PTPRN2: variants seen among roughly 807,000 people sequenced by gnomAD.
PTPRN2 encodes receptor-type tyrosine-protein phosphatase N2.
In PTPRN2, 74 loss-of-function variants were observed where a neutral mutation model predicts 118.8. The observed-to-expected ratio is 0.62, with a 90% CI of 0.52 to 0.76. PTPRN2 has a LOEUF of 0.76. Ranked by LOEUF, PTPRN2 falls within the 30% of genes least tolerant of loss-of-function variation. PTPRN2 has a pLI of 0.00. For synonymous variants in PTPRN2, 641 were observed against 608.0 expected, an observed-to-expected ratio of 1.05 and a Z score of -0.80; for missense variants, 1,481 against 1,394.4, an observed-to-expected ratio of 1.06 and a Z score of -0.99.
intron 3 of PTPRN2, among the ~76,000 whole-genome samples, chr7:158,267,312 G>T: frequency 7.1e-6 from 1 of 141,618 alleles, no homozygotes; most frequent in South Asian, 2.2e-4. Flanking sequence ...TGGTTCCCGC[G>T]GGGAACCCCG....
chr7:157,890,642 AAAC>A (rs1479990384), intron 12 of PTPRN2, among the ~76,000 whole-genome samples: 2 of 152,188 alleles, frequency 1.3e-5, no homozygotes, highest in Admixed American at 6.5e-5. Context: ...ACTGTGTCTC[AAAC>A]AACAACAACA....
intron 12 of PTPRN2, among the ~76,000 whole-genome samples, chr7:157,802,734 C>T (rs78460323): frequency 0.027 from 4,108 of 152,312 alleles, 214 homozygotes; most frequent in African/African-American, 0.093. Flanking sequence ...CTCACCAACA[C>T]ACGTCTTTTT....
intron 1 of PTPRN2, among the ~76,000 whole-genome samples, chr7:158,535,081 C>T (rs1215830355): frequency 6.6e-6 from 1 of 152,196 alleles, no homozygotes; most frequent in East Asian, 1.9e-4. Context: ...GATCTCCCAG[C>T]CTGGGAATGT....
At chr7:158,020,622 T>C (rs541264213) in intron 11 of PTPRN2, among the ~76,000 whole-genome samples, 2 of 152,222 alleles carry the variant, frequency 1.3e-5, no homozygotes, top group South Asian at 2.1e-4. Flanking sequence ...TTGCCCACCA[T>C]GTTGGGGGTA....
intron 11 of PTPRN2, chr7:158,028,214 C>T (rs1344695156): frequency 6.6e-6 from 1 of 152,264 alleles, no homozygotes; most frequent in African/African-American, 2.4e-5. Context: ...GCTGAAAACC[C>T]CACCAGAACG....
Position 158,138,374 on chromosome 7 carries a change from C to T in PTPRN2, c.1052G>A (p.Ser351Asn). ...QGVDHGVARG[S>N]PGRAALGESG... The stretch of plus-strand genomic sequence containing the variant: ...CTCTCCCAGGGCCGCTCTCCCAGGG[C>T]TGCCTCGAGCTACTCCATGGTCCAC... Residue 351 changes from serine to asparagine, a missense_variant, in exon 7 of 23, where the codon AGC (serine) becomes AAC (asparagine). By Grantham distance (46) the Ser-to-Asn change is conservative. Transcript: ENST00000389418. The T allele has an allele frequency of 3.7e-6, 6 of 1,613,880 alleles. No individual in the cohort carries two copies. The South Asian group carries it at 6.6e-5, about 18-fold the overall frequency.
At chr7:158,457,302 A>G (rs374189581) in intron 2 of PTPRN2, among the ~76,000 whole-genome samples, 2 of 152,032 alleles carry the variant, frequency 1.3e-5, no homozygotes, top group Admixed American at 6.6e-5. Flanking sequence ...AGAATCCCCA[A>G]TGAGAAGAAA....
intron 21 of PTPRN2, among the ~76,000 whole-genome samples, chr7:157,559,396 A>G (rs1799066551): frequency 6.6e-6 from 1 of 152,284 alleles, no homozygotes; most frequent in Admixed American, 6.5e-5. Flanking sequence ...GCCCCTGGAA[A>G]CCCAGGATAG....
chr7:158,205,823 C>T (rs1827095971), intron 3 of PTPRN2, among the ~76,000 whole-genome samples: 1 of 152,106 alleles, frequency 6.6e-6, no homozygotes, highest in Non-Finnish European at 1.5e-5. Context: ...CTCGGTGCTG[C>T]CCTGTCACAG....
chr7:158,315,462 A>G (rs2123499), intron 3 of PTPRN2, among the ~76,000 whole-genome samples: 116,770 of 123,836 alleles, frequency 0.94, 55,154 homozygotes, highest in Middle Eastern at 0.98. Flanking sequence ...AGGTGAACCC[A>G]GGACTCCCTG....
intron 5 of PTPRN2, among the ~76,000 whole-genome samples, chr7:158,170,393 G>A (rs1249892414): frequency 6.6e-6 from 1 of 152,118 alleles, no homozygotes; most frequent in Non-Finnish European, 1.5e-5. Context: ...CCACGCAAAG[G>A]GCCTTTAATT....
chr7:158,238,123 T>C (rs1367272436), intron 3 of PTPRN2, among the ~76,000 whole-genome samples: 3 of 152,028 alleles, frequency 2.0e-5, no homozygotes, highest in African/African-American at 7.2e-5. Flanking sequence ...TCGGGGCGGC[T>C]AAGTCGCTAA....
intron 12 of PTPRN2, chr7:157,865,060 T>A (rs906143854): frequency 6.6e-6 from 1 of 152,576 alleles, no homozygotes; most frequent in Non-Finnish European, 1.5e-5. Flanking sequence ...TGTGTGTGCA[T>A]GTGTGGCTGG....
intron 10 of PTPRN2, among the ~76,000 whole-genome samples, chr7:158,098,695 C>T (rs1814889902): frequency 6.6e-6 from 1 of 152,134 alleles, no homozygotes; most frequent in Non-Finnish European, 1.5e-5. Context: ...AATGGGGTTG[C>T]TTGGGCTCGG....
chr7:158,187,832 T>C (rs1177114280), intron 5 of PTPRN2, among the ~76,000 whole-genome samples: 1 of 152,154 alleles, frequency 6.6e-6, no homozygotes, highest in Non-Finnish European at 1.5e-5. Context: ...TTATGCTGAG[T>C]AACAGTAGAG....
chr7:158,202,905 C>A (rs1826747084), intron 4 of PTPRN2, among the ~76,000 whole-genome samples: 2 of 152,064 alleles, frequency 1.3e-5, no homozygotes, highest in Admixed American at 1.3e-4. Flanking sequence ...CCTTTTTATA[C>A]AGACAAAGAC....
At chr7:158,480,956 C>A (rs1388915986) in intron 2 of PTPRN2, among the ~76,000 whole-genome samples, 2 of 152,242 alleles carry the variant, frequency 1.3e-5, no homozygotes, top group Non-Finnish European at 2.9e-5. Flanking sequence ...GCAAGCTCTC[C>A]AGAAGATCTG....
At chr7:158,186,714 C>G (rs1367382819) in intron 5 of PTPRN2, among the ~76,000 whole-genome samples, 2 of 152,210 alleles carry the variant, frequency 1.3e-5, no homozygotes, top group Non-Finnish European at 2.9e-5. Flanking sequence ...GGGCCACCTG[C>G]CCCCTCTGGC....
chr7:157,692,342 C>G (rs1180146516), intron 12 of PTPRN2, among the ~76,000 whole-genome samples: 3 of 152,282 alleles, frequency 2.0e-5, no homozygotes, highest in Middle Eastern at 3.4e-3. Context: ...CTCCCCTCCC[C>G]TCCCTTGCAC....
Sources: gnomAD v4.1 joint callset for allele counts (sites outside exome capture counted in the v4.1 genomes callset) on GRCh38, gnomAD v4.1.1 for gene constraint, MANE v1.5 for transcripts, NCBI Gene and HGNC (gene_info 2026-07-23, HGNC 2026-07-21) for gene names.